Variants in TK2 observed in about 807,000 individuals in gnomAD.
TK2 encodes thymidine kinase 2, also known as thymidine kinase 2, mitochondrial.
TK2 carries 35 observed loss-of-function variants against 41.9 expected under a neutral mutation model. The ratio of observed to expected loss-of-function variants is 0.84; its 90% CI spans 0.64 to 1.11. The LOEUF (loss-of-function observed/expected upper bound fraction) is 1.11. Ranked by LOEUF, TK2 falls within the 50% of genes least tolerant of loss-of-function variation. TK2 has a pLI of 0.00. For synonymous variants in TK2, 128 were observed against 129.1 expected (o/e 0.99, Z 0.06); for missense variants, 320 against 351.1 (o/e 0.91, Z 0.71).
rs897616213 is a variant in TK2 at position 66,549,847 on chromosome 16, C to T, written c.124+91G>A. On this transcript the variant is annotated intron_variant, in intron 1 of 9. Transcript: ENST00000544898. ...GAAATCCCGCGCCTCGGAAGAGGCG[C>T]TTCGGGCTCGGGCGGGTTCCGGAAG... The T allele has an allele frequency of 3.3e-4, 428 of 1,284,502 alleles. 2 individuals are homozygous for T. The highest frequency in any genetic ancestry group is 1.7e-4 in the Admixed American group (4 of 23,654). The allele number at this position is 1,284,502 out of a possible 1,614,324, so 79.6% of individuals were successfully genotyped here. A position where few individuals can be genotyped will look rare whatever the true frequency, so the allele number is the denominator to read the frequency against.
chr16:66,518,318 G>A (rs1174170838), intron 6 of TK2, among the ~76,000 whole-genome samples: 1 of 152,170 alleles, frequency 6.6e-6, no homozygotes, highest in Non-Finnish European at 1.5e-5. Flanking sequence ...CTTGAGGCCA[G>A]AAGTTCAAGA....
chr16:66,512,905 G>C (rs1283239552), intron 9 of TK2, among the ~76,000 whole-genome samples: 1 of 152,170 alleles, frequency 6.6e-6, no homozygotes, highest in East Asian at 1.9e-4. Context: ...ACGCACAAAA[G>C]CTCATGCACA....
intron 6 of TK2, 182 bp from the exon 7 acceptor site, chr16:66,518,059 C>A (rs1461598933): frequency 4.5e-6 from 3 of 661,228 alleles, no homozygotes; most frequent in African/African-American, 3.6e-5. Context: ...CGACCTCCTG[C>A]TGCCTGGGAG....
intron 1 of TK2, 55 bp downstream of exon 1, chr16:66,549,883 G>C (rs1395496990): frequency 7.7e-7 from 1 of 1,300,700 alleles, no homozygotes; most frequent in African/African-American, 1.5e-5. Flanking sequence ...CCGAGGGGCC[G>C]GGAGTAGGTG....
In TK2 at chr16:66,517,945, A is replaced by G; in HGVS notation, c.450-68T>C. Reference sequence around the variant, plus strand: ...TTCTGGGCTATGCAATTCCCCCAAAAGGATCTTGAGACGGCTCTCAATGAA... The same window carrying G: ...TTCTGGGCTATGCAATTCCCCCAAAGGGATCTTGAGACGGCTCTCAATGAA... On this transcript the variant is annotated intron_variant, in intron 6 of 9. Transcript: ENST00000544898. The surrounding 1 kb of genome is among the most constrained non-coding windows in gnomAD (Gnocchi z 4.3). 3.8e-6 allele frequency: 5 copies of G among 1,328,608 alleles called. No individual in the cohort carries two copies. Among genetic ancestry groups the G allele is most frequent in the Admixed American group, 1.7e-5 (1 of 59,560 alleles). 82.3% of individuals were successfully genotyped at this position (1,328,608 alleles called of 1,614,324 possible).
chr16:66,510,237 A>C lies in TK2; in HGVS notation c.*1731T>G, dbSNP rs930225651. On this transcript the variant is annotated 3_prime_UTR_variant, in exon 10 of 10. Coordinates refer to ENST00000544898, the MANE Select transcript of TK2 (RefSeq NM_004614.5). The stretch of plus-strand genomic sequence containing the variant: ...AAAAAAAAAAAAAAAAAAGAGAGAG[A>C]AATCACATTTCCCCAAAAATGGATG... The C allele has an allele frequency of 6.6e-6, 1 of 151,764 alleles. No homozygotes were observed. The highest frequency in any genetic ancestry group is 1.5e-5 in the Non-Finnish European group (1 of 67,994). 9.4% of individuals were successfully genotyped at this position (151,764 alleles called of 1,614,324 possible).
chr16:66,521,743 G>A (rs1964786793), intron 6 of TK2, among the ~76,000 whole-genome samples: 1 of 152,208 alleles, frequency 6.6e-6, no homozygotes, highest in African/African-American at 2.4e-5. Context: ...ACAAGCCACT[G>A]CCTTTATTTC....
At chr16:66,529,367 G>A (rs911771635) in intron 5 of TK2, among the ~76,000 whole-genome samples, 3 of 152,244 alleles carry the variant, frequency 2.0e-5, no homozygotes, top group Non-Finnish European at 4.4e-5. Flanking sequence ...TTGATGGCAG[G>A]TGAGTCTCAA....
In TK2 at chr16:66,514,172, C is replaced by G. The variant is rs896812712; in HGVS notation, c.619-361G>C. Among the ~76,000 whole-genome samples, 1 of 152,008 alleles carries G rather than the reference C, an allele frequency of 6.6e-6. No individual in the cohort carries two copies. The highest frequency in any genetic ancestry group is 1.9e-4 in the East Asian group (1 of 5,178). On this transcript the variant is annotated intron_variant, in intron 8 of 9. Coordinates refer to ENST00000544898, the MANE Select transcript of TK2 (RefSeq NM_004614.5). The surrounding 1 kb of genome is among the most constrained non-coding windows in gnomAD (Gnocchi z 4.2). ...GCACGGTTTCCCTCTGATGCCCAGC[C>G]GAGGCTGGACTGTACTGCCGCCAAC...
At chr16:66,548,369 T>C (rs1201257481) in intron 2 of TK2, among the ~76,000 whole-genome samples, 1 of 152,304 alleles carries the variant, frequency 6.6e-6, no homozygotes, top group Middle Eastern at 3.4e-3. Flanking sequence ...TCAGTTCTTT[T>C]AAGGAATTGA....
rs567353114 is a variant in TK2 at position 66,543,616 on chromosome 16, A to G, written c.157-1663T>C. 3.7e-4 allele frequency among the ~76,000 whole-genome samples: 57 copies of G among 152,330 alleles called. No homozygotes were observed. In the South Asian group the frequency reaches 5.4e-3, roughly 14 times the overall value. On this transcript the variant is annotated intron_variant, in intron 2 of 9. Transcript: ENST00000544898. ...GCACCCAGAGAAACCTGGGCAACAC[A>G]GGTAACTTACCCAAGTGCCAGACTT...
intron 8 of TK2, among the ~76,000 whole-genome samples, chr16:66,516,854 A>T (rs899136627): frequency 1.3e-5 from 2 of 151,894 alleles, no homozygotes; most frequent in Non-Finnish European, 2.9e-5. Context: ...TGGTGCTGCC[A>T]AGATGGGGAG....
intron 2 of TK2, among the ~76,000 whole-genome samples, chr16:66,544,499 G>C (rs1220494201): frequency 6.6e-6 from 1 of 152,208 alleles, no homozygotes; most frequent in African/African-American, 2.4e-5. Flanking sequence ...TGCTGTGCCA[G>C]GCACTGTGTA....
intron 2 of TK2, among the ~76,000 whole-genome samples, chr16:66,544,904 T>C (rs561575483): frequency 7.2e-5 from 11 of 152,092 alleles, no homozygotes; most frequent in East Asian, 5.8e-4. Context: ...CTGGCCAACA[T>C]GGTGAAACCC....
At chr16:66,523,005 A>G (rs1160862015) in intron 6 of TK2, among the ~76,000 whole-genome samples, 2 of 152,198 alleles carry the variant, frequency 1.3e-5, no homozygotes, top group African/African-American at 2.4e-5. Context: ...GCCAGGGTAG[A>G]CAGTGCCAGA....
chr16:66,515,139 G>A (rs1161971509), intron 8 of TK2, among the ~76,000 whole-genome samples: 5 of 148,476 alleles, frequency 3.4e-5, no homozygotes, highest in Admixed American at 6.7e-5. Context: ...CCCCCTCTCC[G>A]AGAAACACCC....
upstream of TK2, chr16:66,550,234 T>A: frequency 1.2e-6 from 2 of 1,607,502 alleles, no homozygotes; most frequent in South Asian, 2.2e-5. Flanking sequence ...GGTTCGCCGC[T>A]GGCAGCCAGA....
intron 9 of TK2, 70 bp from the exon 10 acceptor site, chr16:66,512,136 CAG>C: frequency 7.3e-7 from 1 of 1,378,846 alleles, no homozygotes; most frequent in Middle Eastern, 1.8e-4. Flanking sequence ...CAGCTGGAGA[CAG>C]ACAGATGGAA....
At position 66,528,994 on chromosome 16, in the gene TK2, C is replaced by CTT. The variant is rs746907276; in HGVS notation, c.447_448dup (p.Ser150LysfsTer11). ...TTATCAACTATTCAAACTACAGTACCTTCTATACAGGTTTTCTACAAAAAT... is the reference window on the plus strand; with the variant it reads ...TTATCAACTATTCAAACTACAGTACCTTTTCTATACAGGTTTTCTACAAAAAT... On this transcript the variant is annotated frameshift_variant and splice_region_variant, in exon 6 of 10. Transcript: ENST00000544898. LOFTEE classifies it high-confidence loss of function. The CTT allele has an allele frequency of 1.5e-5, 25 of 1,613,770 alleles. No individual in the cohort carries two copies. The highest frequency in any genetic ancestry group is 1.9e-5 in the Non-Finnish European group (23 of 1,179,886).
Sources: gnomAD v4.1 joint callset for allele counts (sites outside exome capture counted in the v4.1 genomes callset) on GRCh38, gnomAD v4.1.1 for gene constraint, Gnocchi (gnomAD v3.1) non-coding constraint, MANE v1.5 for transcripts, NCBI Gene and HGNC (gene_info 2026-07-23, HGNC 2026-07-21) for gene names.